CDH3: variants seen among roughly 807,000 people sequenced by gnomAD.
The protein encoded by CDH3 is cadherin-3.
Under a neutral mutation model 82.0 loss-of-function variants are expected in CDH3, and 54 were observed. The ratio of observed to expected loss-of-function variants is 0.66; its 90% CI spans 0.53 to 0.83. The LOEUF (loss-of-function observed/expected upper bound fraction) is 0.83. Ranked by LOEUF, CDH3 falls within the 40% of genes least tolerant of loss-of-function variation. The pLI is 0.00. For missense variants in CDH3, 1,054 were observed against 1,084.6 expected, an observed-to-expected ratio of 0.97 and a Z score of 0.40; for synonymous variants, 446 against 437.9, an observed-to-expected ratio of 1.02 and a Z score of -0.23.
chr16:68,646,493 G>T (rs1427835956), intron 2 of CDH3, among the ~76,000 whole-genome samples: 2 of 147,386 alleles, frequency 1.4e-5, no homozygotes, highest in Non-Finnish European at 3.0e-5. Flanking sequence ...TGATCCCTCA[G>T]TTACTCCTAC....
At position 68,685,254 on chromosome 16, in the gene CDH3, A is replaced by G. The variant is rs770394990; in HGVS notation, c.1474A>G (p.Ser492Gly). 4.1e-5 allele frequency: 66 copies of G among 1,614,050 alleles called. No homozygotes were observed. In the South Asian group the frequency reaches 5.4e-4, roughly 13 times the overall value. ...AGGGTGGCTAGCCATGGACCCAGAC[A>G]GTGGGCAGGTCACAGCTGTGGGCAC... ...PAGWLAMDPDSGQVTAVGTLD... is the reference protein window; with the variant it reads ...PAGWLAMDPDGGQVTAVGTLD... The change falls in exon 11 of 16, where the codon AGT becomes GGT. Residue 492 changes from serine to glycine, a missense_variant. Coordinates refer to ENST00000264012, the MANE Select transcript of CDH3 (RefSeq NM_001793.6).
At chr16:68,677,582 A>G (rs1961066423) in intron 3 of CDH3, among the ~76,000 whole-genome samples, 1 of 152,184 alleles carries the variant, frequency 6.6e-6, no homozygotes, top group African/African-American at 2.4e-5. Context: ...TACTAAAAAT[A>G]CAAAAATTAG....
At chr16:68,670,751 T>G (rs1214039117) in intron 2 of CDH3, among the ~76,000 whole-genome samples, 1 of 152,212 alleles carries the variant, frequency 6.6e-6, no homozygotes, top group Non-Finnish European at 1.5e-5. Context: ...TTGAGGGACT[T>G]TCACAGGGTC....
At chr16:68,650,139 C>T (rs1364556116) in intron 2 of CDH3, among the ~76,000 whole-genome samples, 5 of 151,884 alleles carry the variant, frequency 3.3e-5, no homozygotes, top group Non-Finnish European at 7.4e-5. Context: ...GTGCAGGCCT[C>T]AGTTTCCCCA....
intron 15 of CDH3, 75 bp from the exon 16 acceptor site, chr16:68,698,116 G>A: frequency 1.5e-6 from 2 of 1,343,282 alleles, no homozygotes; most frequent in East Asian, 4.6e-5. Context: ...GGGGCTCACA[G>A]AGAGGAAATG....
At chr16:68,675,103 A>G (rs971054139) in intron 2 of CDH3, among the ~76,000 whole-genome samples, 1 of 151,552 alleles carries the variant, frequency 6.6e-6, no homozygotes, top group Non-Finnish European at 1.5e-5. Context: ...ACAGAGTGAG[A>G]CTCTGTTTCC....
intron 1 of CDH3, among the ~76,000 whole-genome samples, chr16:68,719,254 GA>G (rs71148938): frequency 0.25 from 36,136 of 143,528 alleles, 4,521 homozygotes; most frequent in East Asian, 0.29. Context: ...CAAAAAAAAA[GA>G]AAAAAAAAAA....
In CDH3 at chr16:68,658,771, G is replaced by A. The variant is rs78826726; in HGVS notation, c.160+13021G>A. 4.2e-3 allele frequency among the ~76,000 whole-genome samples: 641 copies of A among 152,250 alleles called. 3 individuals carry two copies. The highest frequency in any genetic ancestry group is 0.015 in the African/African-American group (613 of 41,532). Reference sequence around the variant, plus strand: ...TTATGGTCTTTTTCCGCTTCCAGAAGTCTCCTGCATTCCTCAGCTGGGACT... The same window carrying A: ...TTATGGTCTTTTTCCGCTTCCAGAAATCTCCTGCATTCCTCAGCTGGGACT... On this transcript the variant is annotated intron_variant, in intron 2 of 15. Transcript: ENST00000264012.
intron 1 of CDH3, among the ~76,000 whole-genome samples, chr16:68,711,497 G>A (rs1398546394): frequency 1.3e-5 from 2 of 152,156 alleles, no homozygotes; most frequent in Non-Finnish European, 2.9e-5. Flanking sequence ...TTACACAGGT[G>A]AGGAACTGCA....
intron 7 of CDH3, 33 bp downstream of exon 7, chr16:68,680,007 C>T: frequency 6.3e-7 from 1 of 1,599,836 alleles, no homozygotes; most frequent in Non-Finnish European, 8.6e-7. Context: ...ACTGCCTACC[C>T]AGACTTGCCC....
intron 1 of CDH3, among the ~76,000 whole-genome samples, chr16:68,714,662 G>A (rs117588788): frequency 4.4e-4 from 67 of 152,312 alleles, no homozygotes; most frequent in Non-Finnish European, 3.2e-4. Flanking sequence ...ATAGGTAATA[G>A]CTGTAGAGCA....
Position 68,645,442 on chromosome 16 carries a change from C to CAGGTACTCCACA in CDH3, c.45+18_45+19insAGGTACTCCACA. ...TTCTCCAGGTACTCCACAGCCTCGC[C>CAGGTACTCCACA]GTGGCCCCGACCGGGACCGCTCCCT... On this transcript the variant is annotated intron_variant, in intron 1 of 15. Coordinates refer to ENST00000264012, the MANE Select transcript of CDH3 (RefSeq NM_001793.6). 1 of 1,612,250 alleles carries CAGGTACTCCACA rather than the reference C, an allele frequency of 6.2e-7. No homozygotes were observed. Among genetic ancestry groups the CAGGTACTCCACA allele is most frequent in the Non-Finnish European group, 8.5e-7 (1 of 1,179,104 alleles).
rs114185886 is a variant in CDH3 at position 68,684,425 on chromosome 16, A to G, written c.1183-158A>G. On this transcript the variant is annotated intron_variant, in intron 9 of 15. Coordinates refer to ENST00000264012, the MANE Select transcript of CDH3 (RefSeq NM_001793.6). Reference sequence around the variant, plus strand: ...GCCCCATTAGATGTGCACTCAGGAAACACGGGAGTGTTTATGTTACAGAGA... The same window carrying G: ...GCCCCATTAGATGTGCACTCAGGAAGCACGGGAGTGTTTATGTTACAGAGA... 4.8e-3 allele frequency among the ~76,000 whole-genome samples: 736 copies of G among 152,326 alleles called. 4 individuals are homozygous for G. Among genetic ancestry groups the G allele is most frequent in the African/African-American group, 0.017 (707 of 41,566 alleles).
At chr16:68,729,797 AT>A (rs889161775), downstream of CDH3, among the ~76,000 whole-genome samples, 8 of 148,222 alleles carry the variant, frequency 5.4e-5, no homozygotes, top group Admixed American at 1.3e-4. Flanking sequence ...ACACCAGGCT[AT>A]TTTTTTTTTA....
In CDH3 at chr16:68,682,163, G is replaced by A. The variant is rs1886698; in HGVS notation, c.997-139G>A. The A allele has an allele frequency of 0.39, 359,461 of 925,198 alleles. 74,141 individuals carry two copies. Among genetic ancestry groups the A allele is most frequent in the East Asian group, 0.55 (20,737 of 38,026 alleles). 57.3% of individuals were successfully genotyped at this position (925,198 alleles called of 1,614,324 possible). ...GACATCCTGCCGCTGTGTATACCCT[G>A]AAACCCCGCAAAGTGGGTGGGTGGT... is the stretch of plus-strand genomic sequence containing the variant. On this transcript the variant is annotated intron_variant, in intron 8 of 15. Transcript: ENST00000264012.
chr16:68,661,872 G>C (rs1232388653), intron 2 of CDH3, among the ~76,000 whole-genome samples: 2 of 152,274 alleles, frequency 1.3e-5, no homozygotes, highest in East Asian at 3.9e-4. Flanking sequence ...TGTGTTTTTA[G>C]TAGAGATGGG....
In CDH3 at chr16:68,686,545, G is replaced by A. The variant is rs537588713; in HGVS notation, c.1571-967G>A. 1.8e-3 allele frequency: 2,141 copies of A among 1,160,564 alleles called. 1 individual carries two copies. Among genetic ancestry groups the A allele is most frequent in the Non-Finnish European group, 2.6e-3 (1,981 of 767,026 alleles). The allele number at this position is 1,160,564 out of a possible 1,614,324, so 71.9% of individuals were successfully genotyped here. A position where few individuals can be genotyped will look rare whatever the true frequency, so the allele number is the denominator to read the frequency against. ...CTGTTGGATCGGATTCTAAAGGAAA[G>A]GGTGGAGGGATTCAACCAGTTAGCG... On this transcript the variant is annotated intron_variant, in intron 11 of 15. Coordinates refer to ENST00000264012, the MANE Select transcript of CDH3 (RefSeq NM_001793.6).
At chr16:68,701,763 C>T (rs1452153638), downstream of CDH3, among the ~76,000 whole-genome samples, 2 of 151,912 alleles carry the variant, frequency 1.3e-5, no homozygotes, top group Non-Finnish European at 2.9e-5. Context: ...CGGTGACTCA[C>T]GCCTGCAATC....
At chr16:68,682,581 C>G in intron 9 of CDH3, 94 bp downstream of exon 9, 1 of 1,214,230 alleles carries the variant, frequency 8.2e-7, no homozygotes, top group Non-Finnish European at 1.2e-6. Context: ...GTGGGCTAGT[C>G]CAGGAATCGT....
Sources: gnomAD v4.1 joint callset for allele counts (sites outside exome capture counted in the v4.1 genomes callset) on GRCh38, gnomAD v4.1.1 for gene constraint, MANE v1.5 for transcripts, NCBI Gene and HGNC (gene_info 2026-07-23, HGNC 2026-07-21) for gene names.